The following C2CD3 variants were observed in gnomAD, a reference collection of about 807,000 sequenced individuals.
The protein encoded by C2CD3 is C2 domain-containing protein 3.
C2CD3 carries 148 observed loss-of-function variants against 234.0 expected under a neutral mutation model. That is an observed-to-expected ratio of 0.63 (90% CI 0.55 to 0.72). The LOEUF is 0.72. Ranked by LOEUF, C2CD3 falls within the 30% of genes least tolerant of loss-of-function variation. The pLI is 0.00. For missense variants in C2CD3, 2,577 were observed against 2,811.5 expected, an observed-to-expected ratio of 0.92 and a Z score of 1.89; for synonymous variants, 1,000 against 1,035.4, an observed-to-expected ratio of 0.97 and a Z score of 0.66.
At chr11:74,164,388 T>C in intron 2 of C2CD3, 1 of 201,154 alleles carries the variant, frequency 5.0e-6, no homozygotes, top group East Asian at 1.9e-4. Flanking sequence ...TGTAAGAGTA[T>C]GAGGCATATC....
intron 3 of C2CD3, among the ~76,000 whole-genome samples, chr11:74,150,516 C>CAAAAAAAA (rs1162306851): frequency 3.0e-5 from 2 of 65,992 alleles, no homozygotes; most frequent in Non-Finnish European, 5.1e-5. Context: ...AAAAAAAAAA[C>CAAAAAAAA]AAAAAAAAAA....
At chr11:74,109,874 C>A (rs559915926) in intron 11 of C2CD3, among the ~76,000 whole-genome samples, 16 of 151,872 alleles carry the variant, frequency 1.1e-4, no homozygotes, top group South Asian at 1.0e-3. Context: ...AGATCAAGAC[C>A]ATCCTGGCTA....
intron 3 of C2CD3, among the ~76,000 whole-genome samples, chr11:74,148,657 T>C (rs567643252): frequency 6.6e-6 from 1 of 152,264 alleles, no homozygotes; most frequent in African/African-American, 2.4e-5. Context: ...CTCAATCAGC[T>C]TGATTGTAAT....
intron 22 of C2CD3, among the ~76,000 whole-genome samples, chr11:74,084,280 C>T (rs1037614216): frequency 1.1e-4 from 17 of 151,968 alleles, no homozygotes; most frequent in Admixed American, 2.6e-4. Flanking sequence ...ACATTACACC[C>T]CAGGGCCTGT....
At chr11:74,126,727 A>G (rs1170667970) in intron 7 of C2CD3, among the ~76,000 whole-genome samples, 1 of 152,112 alleles carries the variant, frequency 6.6e-6, no homozygotes, top group Non-Finnish European at 1.5e-5. Context: ...CTGGGTGACA[A>G]AGCAAAACTC....
Position 74,037,699 on chromosome 11 carries a change from C to A in C2CD3, c.5661-1G>T. 6.2e-7 allele frequency: 1 copy of A among 1,610,262 alleles called. No homozygotes were observed. The highest frequency in any genetic ancestry group is 8.5e-7 in the Non-Finnish European group (1 of 1,177,382). Reference sequence around the variant, plus strand: ...CTGATCAAGCTCACTCAGATTCTTCCTATAAACAAAAGGGGGAGAAGAAGA... The same window carrying A: ...CTGATCAAGCTCACTCAGATTCTTCATATAAACAAAAGGGGGAGAAGAAGA... On this transcript the variant is annotated splice_acceptor_variant, in intron 29 of 32. Coordinates refer to ENST00000334126, the MANE Select transcript of C2CD3 (RefSeq NM_001286577.2). LOFTEE classifies it high-confidence loss of function.
rs748747309 is a variant in C2CD3, at chr11:74,114,482, G to T, written c.1632C>A (p.Ile544=). The T allele has an allele frequency of 6.2e-7, 1 of 1,613,818 alleles. No homozygotes were observed. The highest frequency in any genetic ancestry group is 8.5e-7 in the Non-Finnish European group (1 of 1,179,744). Residue 544 remains isoleucine, a synonymous_variant, in exon 10 of 33, where the codon ATC becomes ATA. Transcript: ENST00000334126. ...CTGGAGGAACTCCCATGGTTTCGAT[G>T]ATGATTCTGACTGAATGTGTTCTAC... ...LLGRTHSVRI[I]IETMGVPPDS...
chr11:74,032,724 G>A (rs1036409708), intron 31 of C2CD3, among the ~76,000 whole-genome samples: 1 of 152,030 alleles, frequency 6.6e-6, no homozygotes, highest in African/African-American at 2.4e-5. Flanking sequence ...AATTAGCTGG[G>A]TGTGATGCTG....
In C2CD3 at chr11:74,168,565, C is replaced by A; in HGVS notation, c.104G>T (p.Gly35Val). ...PSTSLPPLVEGQLRCFLKLTV... is the reference protein window; with the variant it reads ...PSTSLPPLVEVQLRCFLKLTV... ...AAGTTTTAGAAAACAGCGTAGCTGG[C>A]CTTCAACCAGAGGTGGCAGGCTTGT... The change falls in exon 2 of 33, where the codon GGC (glycine) becomes GTC (valine). Residue 35 changes from glycine to valine, a missense_variant. Physicochemically the swap from Gly to Val is moderately radical, Grantham distance 109. Coordinates refer to ENST00000334126, the MANE Select transcript of C2CD3 (RefSeq NM_001286577.2). 6.2e-7 allele frequency: 1 copy of A among 1,614,168 alleles called. No individual in the cohort carries two copies. Among genetic ancestry groups the A allele is most frequent in the Non-Finnish European group, 8.5e-7 (1 of 1,179,990 alleles).
chr11:74,028,493 C>G (rs756958937), intron 31 of C2CD3, 95 bp from the exon 32 acceptor site: 192 of 738,616 alleles, frequency 2.6e-4, no homozygotes, highest in Non-Finnish European at 3.7e-4. Flanking sequence ...TGCCCCCACT[C>G]ATGTTTTTCC....
At chr11:74,075,327 T>G (rs1279289442) in intron 23 of C2CD3, among the ~76,000 whole-genome samples, 1 of 136,760 alleles carries the variant, frequency 7.3e-6, no homozygotes, top group Non-Finnish European at 1.6e-5. Context: ...GTCTTGACAC[T>G]CAATTTAGCT....
chr11:74,044,644 TC>T (rs575261673), intron 28 of C2CD3, among the ~76,000 whole-genome samples: 13 of 152,168 alleles, frequency 8.5e-5, no homozygotes, highest in Non-Finnish European at 1.6e-4. Context: ...GTTTGAATGA[TC>T]CCATCACCCA....
At position 74,156,816 on chromosome 11, in the gene C2CD3, C is replaced by CA. The variant is rs372914591; in HGVS notation, c.483+4582dup. Among the ~76,000 whole-genome samples, 648 of 152,092 alleles carry CA rather than the reference C, an allele frequency of 4.3e-3. 4 individuals are homozygous for CA. Among genetic ancestry groups the CA allele is most frequent in the African/African-American group, 0.015 (623 of 41,510 alleles). The stretch of plus-strand genomic sequence containing the variant: ...GAAAACCTGTCTCTACCAAAAAATA[C>CA]AAAAATTAGCCGGGCATGGTGGTGT... On this transcript the variant is annotated intron_variant, in intron 3 of 32. Coordinates refer to ENST00000334126, the MANE Select transcript of C2CD3 (RefSeq NM_001286577.2).
chr11:74,127,038 T>C (rs1270235541), intron 7 of C2CD3, among the ~76,000 whole-genome samples: 1 of 152,230 alleles, frequency 6.6e-6, no homozygotes, highest in Non-Finnish European at 1.5e-5. Context: ...GACAAGGTCT[T>C]GCTCTACAAC....
intron 32 of C2CD3, among the ~76,000 whole-genome samples, chr11:74,021,767 C>T (rs538871021): frequency 1.3e-5 from 2 of 152,320 alleles, no homozygotes; most frequent in African/African-American, 4.8e-5. Context: ...TGTGATATTA[C>T]ACTGGCTACA....
chr11:74,024,131 G>A (rs1193284465), intron 32 of C2CD3, among the ~76,000 whole-genome samples: 2 of 152,064 alleles, frequency 1.3e-5, no homozygotes, highest in Non-Finnish European at 2.9e-5. Context: ...TTGAAAACTA[G>A]AGATAAAGAG....
chr11:74,087,421 CG>C (rs893655576), intron 20 of C2CD3, among the ~76,000 whole-genome samples: 1 of 151,874 alleles, frequency 6.6e-6, no homozygotes, highest in Non-Finnish European at 1.5e-5. Flanking sequence ...AAAACTTAGC[CG>C]GGCGTGGTGG....
chr11:74,041,580 T>C (rs1953061034), intron 29 of C2CD3, among the ~76,000 whole-genome samples: 1 of 152,222 alleles, frequency 6.6e-6, no homozygotes, highest in South Asian at 2.1e-4. Context: ...CCTGAAGCCA[T>C]GTCCTTTCCA....
intron 32 of C2CD3, among the ~76,000 whole-genome samples, chr11:74,020,577 C>T (rs573284037): frequency 6.6e-6 from 1 of 152,352 alleles, no homozygotes; most frequent in African/African-American, 2.4e-5. Flanking sequence ...GCAGGGTCCA[C>T]AGCATGAGGG....
Sources: gnomAD v4.1 joint callset for allele counts (sites outside exome capture counted in the v4.1 genomes callset) on GRCh38, gnomAD v4.1.1 for gene constraint, MANE v1.5 for transcripts, NCBI Gene and HGNC (gene_info 2026-07-23, HGNC 2026-07-21) for gene names.